THRB: variants seen among roughly 807,000 people sequenced by gnomAD.
THRB encodes the protein thyroid hormone receptor beta.
THRB carries 12 observed loss-of-function variants against 47.8 expected under a neutral mutation model. That is an observed-to-expected ratio of 0.25 (90% CI 0.16 to 0.41). The LOEUF is 0.41. THRB is among the 10% of genes least tolerant of loss of function. The pLI is 1.00. For synonymous variants in THRB, 218 were observed against 212.2 expected, an observed-to-expected ratio of 1.03 and a Z score of -0.24; for missense variants, 348 against 589.2, an observed-to-expected ratio of 0.59 and a Z score of 4.24.
In THRB at chr3:24,133,625, A is replaced by G. The variant is rs537397907; in HGVS notation, c.739-163T>C. Among the ~76,000 whole-genome samples the G allele has an allele frequency of 1.2e-4, 18 of 152,274 alleles. No homozygotes were observed. In the South Asian group the frequency reaches 3.3e-3, roughly 28 times the overall value. ...CTGTACAGTTTACACATCTTTGAGTAAAGATATATGTTTTGGCCATTGCTT... is the reference window on the plus strand; with the variant it reads ...CTGTACAGTTTACACATCTTTGAGTGAAGATATATGTTTTGGCCATTGCTT... On this transcript the variant is annotated intron_variant, in intron 8 of 10. Transcript: ENST00000646209.
intron 2 of THRB, chr3:24,318,518 A>G (rs1019313597): frequency 3.3e-5 from 5 of 152,190 alleles, no homozygotes; most frequent in African/African-American, 1.2e-4. Context: ...CACATTTTGC[A>G]AAGCATTTAT....
At chr3:24,336,154 A>AGAACTATGAGAACTAGTGTT (rs1407784522) in intron 2 of THRB, among the ~76,000 whole-genome samples, 2 of 152,220 alleles carry the variant, frequency 1.3e-5, no homozygotes, top group Non-Finnish European at 2.9e-5. Context: ...GTGTTTTTTG[A>AGAACTATGAGAACTAGTGTT]TATGAGAACT....
At chr3:24,243,811 C>T (rs2049831193) in intron 3 of THRB, among the ~76,000 whole-genome samples, 1 of 152,092 alleles carries the variant, frequency 6.6e-6, no homozygotes, top group Non-Finnish European at 1.5e-5. Flanking sequence ...ACCCCAAGTG[C>T]TAACACAGTG....
Position 24,327,848 on chromosome 3 carries a change from T to A in THRB, c.-189+9452A>T, listed in dbSNP as rs1007798411. The stretch of plus-strand genomic sequence containing the variant: ...GGCATATTGGTGGGACATCTGAGAG[T>A]ATTCTACTGCTAGAACAAAGGTAAA... On this transcript the variant is annotated intron_variant, in intron 2 of 10. Transcript: ENST00000646209. 2.2e-4 allele frequency among the ~76,000 whole-genome samples: 33 copies of A among 151,978 alleles called. 1 individual carries two copies. The highest frequency in any genetic ancestry group is 8.5e-4 in the Admixed American group (13 of 15,256).
At chr3:24,325,763 C>G (rs998701500) in intron 2 of THRB, among the ~76,000 whole-genome samples, 4 of 152,150 alleles carry the variant, frequency 2.6e-5, no homozygotes, top group Non-Finnish European at 5.9e-5. Flanking sequence ...TGTTTTTCTT[C>G]ATTGATTAAC....
chr3:24,182,395 T>A (rs1400759599), intron 5 of THRB, among the ~76,000 whole-genome samples: 1 of 152,122 alleles, frequency 6.6e-6, no homozygotes, highest in African/African-American at 2.4e-5. Flanking sequence ...CAGTGCTAGG[T>A]ACATTAGCAA....
At chr3:24,258,269 A>C (rs781659066) in intron 3 of THRB, among the ~76,000 whole-genome samples, 1 of 152,142 alleles carries the variant, frequency 6.6e-6, no homozygotes, top group Non-Finnish European at 1.5e-5. Flanking sequence ...TGTCCGTCTG[A>C]GGCACAGAGA....
rs996582291 is a variant in THRB, at chr3:24,359,840, C to A, written c.-260-22469G>T. Among the ~76,000 whole-genome samples the A allele has an allele frequency of 2.0e-5, 3 of 152,190 alleles. No homozygotes were observed. The South Asian group carries it at 6.2e-4, about 31-fold the overall frequency. ...CTACCCACTTCTGGCCACTTTACAG[C>A]TTGCTGGTGCCTCCACCAGAGGGTG... On this transcript the variant is annotated intron_variant, in intron 1 of 10. Coordinates refer to ENST00000646209, the MANE Select transcript of THRB (RefSeq NM_001354712.2).
chr3:24,255,830 A>G (rs562885269), intron 3 of THRB, among the ~76,000 whole-genome samples: 5 of 152,332 alleles, frequency 3.3e-5, no homozygotes, highest in African/African-American at 1.2e-4. Flanking sequence ...AAGTCAGAAA[A>G]GGTTGAAGGG....
chr3:24,379,711 C>T (rs1437646991), intron 1 of THRB, among the ~76,000 whole-genome samples: 1 of 152,090 alleles, frequency 6.6e-6, no homozygotes, highest in African/African-American at 2.4e-5. Flanking sequence ...TGATGCGTGA[C>T]ACCTAAGCTT....
chr3:24,271,314 C>T (rs575342187), intron 3 of THRB, among the ~76,000 whole-genome samples: 25 of 152,270 alleles, frequency 1.6e-4, no homozygotes, highest in Middle Eastern at 3.4e-3. Context: ...TCTGTTCTAT[C>T]TCTCAGGATC....
intron 5 of THRB, among the ~76,000 whole-genome samples, chr3:24,154,676 A>C (rs2037528525): frequency 6.6e-6 from 1 of 152,214 alleles, no homozygotes; most frequent in African/African-American, 2.4e-5. Context: ...ATAAAACACA[A>C]AGTAACTTTT....
intron 1 of THRB, among the ~76,000 whole-genome samples, chr3:24,449,194 T>A (rs898557858): frequency 1.3e-5 from 2 of 152,244 alleles, no homozygotes; most frequent in Admixed American, 1.3e-4. Context: ...TACAGCCATA[T>A]TTCAGTACAA....
In THRB at chr3:24,123,627, C is replaced by G. The variant is rs1045253502; in HGVS notation, c.1145-502G>C. ...ACATTTCCTTGAGGACCAAGAAACA[C>G]CATGTTTAATTTTGTGTTGTCTTCC... On this transcript the variant is annotated intron_variant, in intron 10 of 10. Transcript: ENST00000646209. 2.0e-5 allele frequency among the ~76,000 whole-genome samples: 3 copies of G among 152,264 alleles called. No individual in the cohort carries two copies. In the East Asian group the frequency reaches 5.8e-4, roughly 29 times the overall value.
chr3:24,121,965 C>T lies in THRB; in HGVS notation c.*919G>A, dbSNP rs2031765964. 1 of 152,650 alleles carries T rather than the reference C, an allele frequency of 6.6e-6. No individual in the cohort carries two copies. Among genetic ancestry groups the T allele is most frequent in the Non-Finnish European group, 1.5e-5 (1 of 68,046 alleles). 9.5% of individuals were successfully genotyped at this position (152,650 alleles called of 1,614,324 possible). A position where few individuals can be genotyped will look rare whatever the true frequency, so the allele number is the denominator to read the frequency against. ...GATCCATAGAGAAATCTGTTGTCAGCTCAGCAAAGATACAACCTGGATAAA... is the reference window on the plus strand; with the variant it reads ...GATCCATAGAGAAATCTGTTGTCAGTTCAGCAAAGATACAACCTGGATAAA... On this transcript the variant is annotated 3_prime_UTR_variant, in exon 11 of 11. Coordinates refer to ENST00000646209, the MANE Select transcript of THRB (RefSeq NM_001354712.2).
intron 1 of THRB, among the ~76,000 whole-genome samples, chr3:24,396,928 C>T (rs1013184638): frequency 6.6e-6 from 1 of 152,152 alleles, no homozygotes; most frequent in East Asian, 1.9e-4. Context: ...TGTTGAATGA[C>T]CAACTGCATT....
At chr3:24,241,686 T>C (rs111982564) in intron 3 of THRB, among the ~76,000 whole-genome samples, 243 of 152,274 alleles carry the variant, frequency 1.6e-3, no homozygotes, top group African/African-American at 5.7e-3. Context: ...TGGACTTCTG[T>C]ATTGAACCCT....
At chr3:24,493,521 A>G (rs1201946814) in intron 1 of THRB, among the ~76,000 whole-genome samples, 1 of 152,162 alleles carries the variant, frequency 6.6e-6, no homozygotes, top group Non-Finnish European at 1.5e-5. Context: ...ACTGAATCTC[A>G]CTAGTACCCA....
intron 5 of THRB, among the ~76,000 whole-genome samples, chr3:24,169,229 T>G (rs967446091): frequency 6.6e-6 from 1 of 152,184 alleles, no homozygotes; most frequent in Admixed American, 6.5e-5. Context: ...TGTGACTAAC[T>G]TCTGGCCAAC....
Sources: allele counts gnomAD v4.1 joint callset (sites outside exome capture counted in the v4.1 genomes callset), GRCh38; gene constraint gnomAD v4.1.1; transcripts MANE v1.5; gene names NCBI Gene and HGNC (gene_info 2026-07-23, HGNC 2026-07-21).